The following PLS3 variants were observed in gnomAD, a reference collection of about 807,000 sequenced individuals.
PLS3 encodes plastin-3.
Under a neutral mutation model 46.5 loss-of-function variants are expected in PLS3, and 11 were observed. That is an observed-to-expected ratio of 0.24 (90% CI 0.15 to 0.39). The LOEUF (loss-of-function observed/expected upper bound fraction) is 0.39, where lower values mean the gene tolerates loss of function less well. PLS3 is among the 10% of genes least tolerant of loss of function. The probability of loss-of-function intolerance (pLI) is 1.00; values close to 1 mark genes in which losing one functional copy is unlikely to be tolerated. For missense variants in PLS3, 308 were observed against 461.8 expected (o/e 0.67, Z 3.05); for synonymous variants, 167 against 162.2 (o/e 1.03, Z -0.22).
intron 7 of PLS3, 28 bp from the exon 8 acceptor site, chrX:115,636,808 C>A: frequency 8.6e-7 from 1 of 1,156,152 alleles, no homozygotes; most frequent in Non-Finnish European, 1.2e-6. Flanking sequence ...CATATAATAA[C>A]TGTGGGATTT....
chrX:115,609,451 T>C (rs1232535707), intron 1 of PLS3, among the ~76,000 whole-genome samples: 1 of 112,156 alleles, frequency 8.9e-6, no homozygotes, highest in Non-Finnish European at 1.9e-5. Flanking sequence ...AGAATAGAAT[T>C]CTTTTTTTCT....
chrX:115,580,226 C>T, intron 1 of PLS3, among the ~76,000 whole-genome samples: 1 of 111,989 alleles, frequency 8.9e-6, no homozygotes, highest in East Asian at 2.8e-4. Flanking sequence ...ATCAGTATTT[C>T]CTTTTATGGA....
chrX:115,636,561 A>G (rs1556640270), intron 7 of PLS3, among the ~76,000 whole-genome samples: 1 of 112,126 alleles, frequency 8.9e-6, no homozygotes, highest in African/African-American at 3.2e-5. Context: ...AACATATGAC[A>G]TAATGTGAAG....
intron 1 of PLS3, among the ~76,000 whole-genome samples, chrX:115,599,974 G>A (rs190660651): frequency 1.1e-3 from 118 of 110,244 alleles, no homozygotes; most frequent in African/African-American, 3.8e-3. Flanking sequence ...TTGTGTCCTG[G>A]GCAAAGTCAA....
rs1424716135 is a variant in PLS3 at position 115,619,583 on chromosome X, A to T, written c.74-2663A>T. The stretch of plus-strand genomic sequence containing the variant: ...GTAGAAATAAAGAGTTTGATGTATG[A>T]CCTTTTATAAATCCAAAGCAAAGAA... On this transcript the variant is annotated intron_variant, in intron 2 of 15. Transcript: ENST00000355899. Among the ~76,000 whole-genome samples the T allele has an allele frequency of 4.4e-5, 5 of 113,073 alleles. No individual in the cohort carries two copies. The Admixed American group carries it at 4.7e-4, about 11-fold the overall frequency.
intron 1 of PLS3, among the ~76,000 whole-genome samples, chrX:115,587,795 A>C (rs1556632647): frequency 9.0e-6 from 1 of 111,707 alleles, no homozygotes; most frequent in East Asian, 2.8e-4. Flanking sequence ...CTGATTATTC[A>C]GACCCGAGTA....
At chrX:115,643,530 G>T in intron 10 of PLS3, 22 bp downstream of exon 10, 2 of 929,287 alleles carry the variant, frequency 2.2e-6, no homozygotes, top group Non-Finnish European at 3.1e-6. Context: ...CCTCAATTTC[G>T]AATGTGTGGG....
At position 115,605,715 on chromosome X, in the gene PLS3, C is replaced by G. The variant is rs369250643; in HGVS notation, c.-8-4528C>G. Among the ~76,000 whole-genome samples the G allele has an allele frequency of 1.7e-4, 19 of 111,330 alleles. No homozygotes were observed. The South Asian group carries it at 3.8e-3, about 22-fold the overall frequency. ...CTGAGCTCAAGCGATCTGCCCACCTCCACCTCCCAAATTGCTGGGATTACA... is the reference window on the plus strand; with the variant it reads ...CTGAGCTCAAGCGATCTGCCCACCTGCACCTCCCAAATTGCTGGGATTACA... On this transcript the variant is annotated intron_variant, in intron 1 of 15. Coordinates refer to ENST00000355899, the MANE Select transcript of PLS3 (RefSeq NM_005032.7).
intron 3 of PLS3, 78 bp from the exon 4 acceptor site, chrX:115,629,120 A>T: frequency 1.5e-6 from 1 of 674,136 alleles, no homozygotes; most frequent in Non-Finnish European, 2.2e-6. Flanking sequence ...AGTGATCAAG[A>T]TATAAAAGAA....
At chrX:115,630,168 G>A (rs1267554632) in intron 5 of PLS3, among the ~76,000 whole-genome samples, 3 of 110,773 alleles carry the variant, frequency 2.7e-5, no homozygotes, top group Admixed American at 1.9e-4. Context: ...CTCTTTATAG[G>A]GAAGCTCTCA....
chrX:115,578,761 G>A (rs911471566), intron 1 of PLS3, among the ~76,000 whole-genome samples: 2 of 105,950 alleles, frequency 1.9e-5, no homozygotes, highest in South Asian at 8.4e-4. Context: ...ATTAATACAA[G>A]TAAATGTTCT....
At chrX:115,638,534 G>A (rs2074861130) in intron 8 of PLS3, among the ~76,000 whole-genome samples, 1 of 109,703 alleles carries the variant, frequency 9.1e-6, no homozygotes, top group Non-Finnish European at 1.9e-5. Flanking sequence ...CATGAGCCAT[G>A]GTACCTGGCC....
At chrX:115,646,669 T>C in intron 13 of PLS3, 134 bp downstream of exon 13, 1 of 536,377 alleles carries the variant, frequency 1.9e-6, no homozygotes, top group African/African-American at 2.4e-5. Context: ...CCGAAATGAG[T>C]TTAATTAATG....
chrX:115,637,242 G>A, intron 8 of PLS3, among the ~76,000 whole-genome samples: 1 of 111,818 alleles, frequency 8.9e-6, no homozygotes, highest in Middle Eastern at 4.6e-3. Flanking sequence ...TAAACATGGA[G>A]TATTAAAGAA....
chrX:115,576,998 A>G (rs782464690), intron 1 of PLS3, among the ~76,000 whole-genome samples: 1 of 112,197 alleles, frequency 8.9e-6, no homozygotes, highest in African/African-American at 3.2e-5. Flanking sequence ...GCTCCAGGAC[A>G]ATGGTGGAGG....
chrX:115,589,968 C>T (rs2074334008), intron 1 of PLS3, among the ~76,000 whole-genome samples: 2 of 111,818 alleles, frequency 1.8e-5, no homozygotes, highest in Non-Finnish European at 3.8e-5. Context: ...AAGCTGTTCT[C>T]CTGCCTCAGC....
chrX:115,646,009 T>G, intron 11 of PLS3, 63 bp from the exon 12 acceptor site: 1 of 603,470 alleles, frequency 1.7e-6, no homozygotes. Flanking sequence ...GTGTTACTGT[T>G]TTTAAGGAAA....
chrX:115,609,996 G>T (rs1556635892), intron 1 of PLS3, among the ~76,000 whole-genome samples: 1 of 111,807 alleles, frequency 8.9e-6, no homozygotes, highest in African/African-American at 3.2e-5. Context: ...TAAACTTTTT[G>T]AATGTAATTT....
intron 1 of PLS3, among the ~76,000 whole-genome samples, chrX:115,584,832 G>A (rs1419100374): frequency 8.9e-6 from 1 of 112,051 alleles, no homozygotes; most frequent in Non-Finnish European, 1.9e-5. Flanking sequence ...TATGTGAGTA[G>A]TACAAGAGCT....
Sources: gnomAD v4.1 joint callset for allele counts (sites outside exome capture counted in the v4.1 genomes callset) on GRCh38, gnomAD v4.1.1 for gene constraint, MANE v1.5 for transcripts, NCBI Gene and HGNC (gene_info 2026-07-23, HGNC 2026-07-21) for gene names.